Variants in NRXN3 observed in about 807,000 individuals in gnomAD.
NRXN3 encodes the protein neurexin 3.
Under a neutral mutation model 137.6 loss-of-function variants are expected in NRXN3, and 32 were observed. The observed-to-expected ratio is 0.23, with a 90% CI of 0.18 to 0.31. NRXN3 has a LOEUF of 0.31. Ranked by LOEUF, NRXN3 falls within the 10% of genes least tolerant of loss-of-function variation. NRXN3 has a pLI of 1.00. For missense variants in NRXN3, 1,574 were observed against 2,062.5 expected, an observed-to-expected ratio of 0.76 and a Z score of 4.59; for synonymous variants, 798 against 784.5, an observed-to-expected ratio of 1.02 and a Z score of -0.29.
At chr14:78,622,869 G>C (rs1391665201) in intron 4 of NRXN3, among the ~76,000 whole-genome samples, 1 of 152,196 alleles carries the variant, frequency 6.6e-6, no homozygotes, top group Non-Finnish European at 1.5e-5. Context: ...TTTGTATTAA[G>C]CTCTTTTGAA....
At chr14:79,775,263 T>G (rs2139936016) in intron 19 of NRXN3, among the ~76,000 whole-genome samples, 1 of 152,194 alleles carries the variant, frequency 6.6e-6, no homozygotes, top group Non-Finnish European at 1.5e-5. Flanking sequence ...ACAGTGAGAT[T>G]AATGTTTATA....
chr14:79,848,028 C>T (rs921598952), intron 20 of NRXN3, among the ~76,000 whole-genome samples: 3 of 152,030 alleles, frequency 2.0e-5, no homozygotes, highest in African/African-American at 7.2e-5. Flanking sequence ...CTGTCTAGCA[C>T]AGAATAGGGC....
intron 16 of NRXN3, among the ~76,000 whole-genome samples, chr14:79,601,778 T>A (rs221430): frequency 6.6e-6 from 1 of 151,852 alleles, no homozygotes; most frequent in Admixed American, 6.6e-5. Flanking sequence ...ATAAAATAAA[T>A]GAGTCAATGT....
At chr14:78,801,924 G>C (rs1275420455) in intron 8 of NRXN3, among the ~76,000 whole-genome samples, 2 of 152,266 alleles carry the variant, frequency 1.3e-5, no homozygotes, top group Non-Finnish European at 2.9e-5. Context: ...CCACTTGTAT[G>C]TTCCAGTACA....
intron 15 of NRXN3, among the ~76,000 whole-genome samples, chr14:78,989,867 G>A (rs1048905119): frequency 6.6e-6 from 1 of 152,180 alleles, no homozygotes; most frequent in African/African-American, 2.4e-5. Flanking sequence ...TTATCGTAAC[G>A]TGGTGAGCAC....
chr14:78,667,694 T>C (rs1350107150), intron 6 of NRXN3, among the ~76,000 whole-genome samples: 3 of 152,192 alleles, frequency 2.0e-5, no homozygotes, highest in Admixed American at 6.5e-5. Context: ...AAAAACTCAC[T>C]CATGGATAAA....
At chr14:79,637,747 T>TTTTTTTTTTTTTA (rs1603298457) in intron 16 of NRXN3, among the ~76,000 whole-genome samples, 2 of 146,866 alleles carry the variant, frequency 1.4e-5, no homozygotes, top group African/African-American at 5.2e-5. Flanking sequence ...TTTTTTTTTT[T>TTTTTTTTTTTTTA]GAGATGGAGT....
At chr14:78,226,833 A>G (rs1267128717) in intron 1 of NRXN3, among the ~76,000 whole-genome samples, 1 of 152,252 alleles carries the variant, frequency 6.6e-6, no homozygotes, top group Non-Finnish European at 1.5e-5. Context: ...TTTGAGGATC[A>G]TGGAAACTGT....
chr14:78,903,079 G>C (rs1261199268), intron 10 of NRXN3, among the ~76,000 whole-genome samples: 2 of 150,684 alleles, frequency 1.3e-5, no homozygotes, highest in African/African-American at 2.4e-5. Context: ...CTCTTACATT[G>C]CCTTGGTCAT....
chr14:79,770,346 T>A, intron 19 of NRXN3, among the ~76,000 whole-genome samples: 1 of 151,208 alleles, frequency 6.6e-6, no homozygotes, highest in Non-Finnish European at 1.5e-5. Context: ...ACACCACACC[T>A]ATTCCAAAAT....
At chr14:79,550,128 C>T (rs1196984724) in intron 16 of NRXN3, among the ~76,000 whole-genome samples, 4 of 151,992 alleles carry the variant, frequency 2.6e-5, no homozygotes, top group Admixed American at 6.6e-5. Context: ...CCCCACCACA[C>T]CAAGCTAATT....
At chr14:79,266,564 A>T (rs990312109) in intron 15 of NRXN3, among the ~76,000 whole-genome samples, 85 of 152,302 alleles carry the variant, frequency 5.6e-4, no homozygotes, top group Middle Eastern at 3.4e-3. Context: ...CAGGTTGGGC[A>T]GTACATTTTC....
intron 8 of NRXN3, among the ~76,000 whole-genome samples, chr14:78,723,086 G>A (rs1466985174): frequency 6.6e-6 from 1 of 152,150 alleles, no homozygotes; most frequent in African/African-American, 2.4e-5. Flanking sequence ...GGGGTGACAG[G>A]GCCAGCCAGC....
intron 15 of NRXN3, among the ~76,000 whole-genome samples, chr14:79,027,075 A>G (rs2099599839): frequency 6.8e-6 from 1 of 147,174 alleles, no homozygotes; most frequent in African/African-American, 2.5e-5. Flanking sequence ...CATATATTCT[A>G]TTGAAGTTTT....
intron 1 of NRXN3, among the ~76,000 whole-genome samples, chr14:78,218,321 GCTC>G (rs1378189331): frequency 9.2e-5 from 14 of 152,222 alleles, no homozygotes; most frequent in African/African-American, 3.4e-4. Flanking sequence ...ACGCCACTGT[GCTC>G]CAGCCTGGGC....
intron 15 of NRXN3, among the ~76,000 whole-genome samples, chr14:79,337,130 G>A (rs1055108960): frequency 6.6e-6 from 1 of 152,132 alleles, no homozygotes; most frequent in African/African-American, 2.4e-5. Context: ...CCTATAGTTA[G>A]CAGAAACATT....
chr14:78,786,473 A>G (rs2098789596), intron 8 of NRXN3, among the ~76,000 whole-genome samples: 1 of 152,182 alleles, frequency 6.6e-6, no homozygotes, highest in South Asian at 2.1e-4. Context: ...TCTAGATTCT[A>G]CTGTACACAA....
chr14:79,104,405 G>A (rs1413965834), intron 15 of NRXN3, among the ~76,000 whole-genome samples: 3 of 152,136 alleles, frequency 2.0e-5, no homozygotes, highest in South Asian at 2.1e-4. Flanking sequence ...GGAACACAGG[G>A]CACAGGAATA....
At chr14:78,500,787 A>G (rs2095864005) in intron 4 of NRXN3, among the ~76,000 whole-genome samples, 2 of 152,162 alleles carry the variant, frequency 1.3e-5, no homozygotes, top group African/African-American at 4.8e-5. Flanking sequence ...ATGGGGCTTC[A>G]TCTGCTCCTT....
Sources: gnomAD v4.1 joint callset for allele counts (sites outside exome capture counted in the v4.1 genomes callset) on GRCh38, gnomAD v4.1.1 for gene constraint, MANE v1.5 for transcripts, NCBI Gene and HGNC (gene_info 2026-07-23, HGNC 2026-07-21) for gene names.